ROBO2: variants seen among roughly 807,000 people sequenced by gnomAD.
ROBO2 encodes roundabout guidance receptor 2, also known as roundabout homolog 2.
In ROBO2, 53 loss-of-function variants were observed where a neutral mutation model predicts 160.8. The observed-to-expected ratio is 0.33, with a 90% CI of 0.26 to 0.41. The LOEUF is 0.41. ROBO2 is among the 10% of genes least tolerant of loss of function. ROBO2 has a pLI of 1.00. For missense variants in ROBO2, 1,577 were observed against 1,722.4 expected (o/e 0.92, Z 1.49); for synonymous variants, 664 against 611.7 (o/e 1.09, Z -1.26).
intron 24 of ROBO2, among the ~76,000 whole-genome samples, chr3:77,641,306 A>G (rs1438623704): frequency 1.3e-5 from 2 of 152,204 alleles, no homozygotes; most frequent in East Asian, 1.9e-4. Flanking sequence ...TGCTGCTCCA[A>G]CTTAGGAACT....
intron 2 of ROBO2, among the ~76,000 whole-genome samples, chr3:75,973,558 A>G (rs1198911287): frequency 6.6e-6 from 1 of 151,688 alleles, no homozygotes; most frequent in Non-Finnish European, 1.5e-5. Flanking sequence ...TAAAACAACA[A>G]CAAAAAGTAT....
intron 2 of ROBO2, among the ~76,000 whole-genome samples, chr3:76,399,663 G>T (rs1018873223): frequency 2.1e-4 from 32 of 151,696 alleles, no homozygotes; most frequent in African/African-American, 6.8e-4. Flanking sequence ...CCATCTTATG[G>T]TAATAACATT....
chr3:77,379,450 T>TA (rs202204233), intron 2 of ROBO2, among the ~76,000 whole-genome samples: 258 of 148,116 alleles, frequency 1.7e-3, no homozygotes, highest in Admixed American at 3.7e-3. Flanking sequence ...GTTGCCTGAT[T>TA]AAAAAAAAAA....
intron 2 of ROBO2, among the ~76,000 whole-genome samples, chr3:76,445,446 C>A (rs2077130053): frequency 6.6e-6 from 1 of 152,092 alleles, no homozygotes; most frequent in South Asian, 2.1e-4. Flanking sequence ...AAAGCCAAGA[C>A]AGCTTCAAAA....
At chr3:76,404,924 G>A (rs976393286) in intron 2 of ROBO2, among the ~76,000 whole-genome samples, 2 of 151,628 alleles carry the variant, frequency 1.3e-5, no homozygotes, top group Non-Finnish European at 3.0e-5. Flanking sequence ...TTGAATAATG[G>A]AGTACTTACA....
chr3:76,567,652 TAC>T (rs747034303), intron 2 of ROBO2, among the ~76,000 whole-genome samples: 16,956 of 63,390 alleles, frequency 0.27, 3,458 homozygotes, highest in East Asian at 0.33. Flanking sequence ...TATATATATA[TAC>T]ACATACACAT....
chr3:77,445,794 G>GTTTTTTTTTTTTT (rs199914360), intron 2 of ROBO2, among the ~76,000 whole-genome samples: 10 of 123,090 alleles, frequency 8.1e-5, no homozygotes, highest in African/African-American at 3.2e-4. Flanking sequence ...GTTTTTTTTT[G>GTTTTTTTTTTTTT]TTTTTTTTTT....
At chr3:77,604,334 T>C (rs2094486362) in intron 20 of ROBO2, among the ~76,000 whole-genome samples, 1 of 152,188 alleles carries the variant, frequency 6.6e-6, no homozygotes, top group African/African-American at 2.4e-5. Context: ...GCTTCCTTTT[T>C]ATTTCATTAA....
At chr3:76,316,307 C>T (rs970568158) in intron 2 of ROBO2, among the ~76,000 whole-genome samples, 4 of 152,174 alleles carry the variant, frequency 2.6e-5, no homozygotes, top group Admixed American at 6.5e-5. Context: ...ACTGCAAGAG[C>T]GACGATTTAT....
intron 1 of ROBO2, among the ~76,000 whole-genome samples, chr3:75,937,104 T>C (rs1035177421): frequency 6.6e-6 from 1 of 152,160 alleles, no homozygotes; most frequent in Admixed American, 6.6e-5. Context: ...TTACATGGTA[T>C]GTTAAATTCA....
chr3:77,072,117 C>T (rs555519301), intron 1 of ROBO2, among the ~76,000 whole-genome samples: 3 of 152,020 alleles, frequency 2.0e-5, no homozygotes, highest in Non-Finnish European at 2.9e-5. Context: ...CTCAAAGGAG[C>T]GAGAACCCTG....
intron 2 of ROBO2, among the ~76,000 whole-genome samples, chr3:76,327,107 T>G (rs2073093652): frequency 6.6e-6 from 1 of 152,148 alleles, no homozygotes; most frequent in Non-Finnish European, 1.5e-5. Flanking sequence ...ATAATCATTT[T>G]AAGGCTCTTG....
chr3:76,325,245 G>C (rs2072915236), intron 2 of ROBO2, among the ~76,000 whole-genome samples: 1 of 152,202 alleles, frequency 6.6e-6, no homozygotes, highest in Non-Finnish European at 1.5e-5. Context: ...CAATGGCTCA[G>C]AGCCTTCATT....
At chr3:77,276,400 A>G (rs1049289168) in intron 2 of ROBO2, among the ~76,000 whole-genome samples, 5 of 152,180 alleles carry the variant, frequency 3.3e-5, no homozygotes, top group African/African-American at 1.2e-4. Flanking sequence ...GTTTTAATAC[A>G]TAAAATACTT....
chr3:76,180,575 C>T (rs142453666), intron 2 of ROBO2, among the ~76,000 whole-genome samples: 146 of 152,200 alleles, frequency 9.6e-4, no homozygotes, highest in African/African-American at 3.0e-3. Flanking sequence ...ACAAATCCAA[C>T]GGCAAGTCCT....
At chr3:76,837,705 T>A (rs375860238) in intron 2 of ROBO2, among the ~76,000 whole-genome samples, 4 of 151,894 alleles carry the variant, frequency 2.6e-5, no homozygotes, top group African/African-American at 9.7e-5. Flanking sequence ...TCCCCCCTAC[T>A]CTAAATAATT....
chr3:76,658,258 T>C (rs1000894683), intron 2 of ROBO2, among the ~76,000 whole-genome samples: 1 of 152,006 alleles, frequency 6.6e-6, no homozygotes, highest in African/African-American at 2.4e-5. Context: ...AGATGATTTT[T>C]TCTATGTACA....
intron 2 of ROBO2, among the ~76,000 whole-genome samples, chr3:76,698,980 C>T (rs756360004): frequency 7.2e-5 from 11 of 152,074 alleles, no homozygotes; most frequent in Non-Finnish European, 1.6e-4. Context: ...ACATTTTTCT[C>T]TTTAGTAAAA....
At chr3:76,115,571 G>A (rs1345372841) in intron 2 of ROBO2, among the ~76,000 whole-genome samples, 1 of 151,984 alleles carries the variant, frequency 6.6e-6, no homozygotes, top group Non-Finnish European at 1.5e-5. Context: ...ATTATTATGA[G>A]ATACAAGTAT....
Sources: gnomAD v4.1 joint callset for allele counts (sites outside exome capture counted in the v4.1 genomes callset) on GRCh38, gnomAD v4.1.1 for gene constraint, MANE v1.5 for transcripts, NCBI Gene and HGNC (gene_info 2026-07-23, HGNC 2026-07-21) for gene names.